RARS1: variants seen among roughly 807,000 people sequenced by gnomAD.
RARS1 encodes arginyl-tRNA synthetase 1.
In RARS1, 75 loss-of-function variants were observed where a neutral mutation model predicts 78.7. That is an observed-to-expected ratio of 0.95 (90% CI 0.79 to 1.15). RARS1 has a LOEUF of 1.15. Among genes scored for constraint, RARS1 ranks in the 50% most tolerant of loss-of-function variants. The pLI, the probability that RARS1 is intolerant of heterozygous loss-of-function variation, is 0.00. For missense variants in RARS1, 787 were observed against 787.5 expected, an observed-to-expected ratio of 1.00 and a Z score of 0.01; for synonymous variants, 273 against 268.2, an observed-to-expected ratio of 1.02 and a Z score of -0.18.
chr5:168,502,416 G>C (rs1758349552), intron 9 of RARS1, among the ~76,000 whole-genome samples: 1 of 134,336 alleles, frequency 7.4e-6, no homozygotes, highest in South Asian at 2.3e-4. Context: ...TTGCTATGTT[G>C]CCTAGGCTGG....
At position 168,494,636 on chromosome 5, in the gene RARS1, G is replaced by GGA; in HGVS notation, c.570_571dup (p.Asn191ArgfsTer6). ...GAATGGAGTTCAACTACCTGCTCTG[G>GGA]GAGAGAATAAAAAGGTATATGTACA... On this transcript the variant is annotated frameshift_variant, in exon 5 of 15. Transcript: ENST00000231572. LOFTEE classifies it high-confidence loss of function. 2 of 1,591,168 alleles carry GGA rather than the reference G, an allele frequency of 1.3e-6. No homozygotes were observed. The highest frequency in any genetic ancestry group is 1.7e-6 in the Non-Finnish European group (2 of 1,159,430).
intron 9 of RARS1, among the ~76,000 whole-genome samples, chr5:168,505,714 G>GAAAAAAAAAAAA (rs60743864): frequency 1.8e-5 from 2 of 114,248 alleles, no homozygotes; most frequent in Admixed American, 9.0e-5. Context: ...TATCAAAAAA[G>GAAAAAAAAAAAA]AAAAAAAAAA....
At chr5:168,504,434 A>T (rs1269661731) in intron 9 of RARS1, among the ~76,000 whole-genome samples, 1 of 151,172 alleles carries the variant, frequency 6.6e-6, no homozygotes, top group Non-Finnish European at 1.5e-5. Context: ...GAGGCAGAGG[A>T]GTCGCTTGAA....
intron 13 of RARS1, among the ~76,000 whole-genome samples, chr5:168,517,507 G>A (rs1029754904): frequency 1.3e-5 from 2 of 152,108 alleles, no homozygotes; most frequent in African/African-American, 2.4e-5. Context: ...TCCTCTTTTA[G>A]TATTGCAAGT....
At chr5:168,486,691 A>G (rs1052792612) in intron 1 of RARS1, 148 bp downstream of exon 1, 10 of 828,988 alleles carry the variant, frequency 1.2e-5, no homozygotes, top group African/African-American at 1.2e-4. Context: ...GGGAACAGGA[A>G]GGGTTGAGAG....
At chr5:168,500,200 C>CAA (rs36015007) in intron 7 of RARS1, among the ~76,000 whole-genome samples, 1,031 of 45,628 alleles carry the variant, frequency 0.023, 10 homozygotes, top group East Asian at 0.029. Flanking sequence ...GACTCTGTCT[C>CAA]AAAAAAAAAA....
At position 168,500,694 on chromosome 5, in the gene RARS1, A is replaced by T; in HGVS notation, c.926A>T (p.Lys309Met). 1 of 1,611,272 alleles carries T rather than the reference A, an allele frequency of 6.2e-7. No homozygotes were observed. ...GKNPDITKAW[K>M]LICDVSRQEL... ...AACCCAGATATTACAAAAGCTTGGA[A>T]GCTTATCTGTGATGTCTCCCGCCAA... Residue 309 changes from lysine to methionine, a missense_variant, in exon 8 of 15, where the codon AAG becomes ATG. Lys to Met is a moderately conservative substitution (Grantham distance 95). Coordinates refer to ENST00000231572, the MANE Select transcript of RARS1 (RefSeq NM_002887.4).
intron 9 of RARS1, among the ~76,000 whole-genome samples, chr5:168,503,885 A>T (rs544039961): frequency 6.6e-6 from 1 of 152,046 alleles, no homozygotes; most frequent in African/African-American, 2.4e-5. Context: ...AGTCTGCGCA[A>T]CATAGCAGGA....
chr5:168,506,901 A>G lies in RARS1; in HGVS notation c.1346+70A>G, dbSNP rs1487295266. 7 of 1,228,926 alleles carry G rather than the reference A, an allele frequency of 5.7e-6. No individual in the cohort carries two copies. The African/African-American group carries it at 7.5e-5, about 13-fold the overall frequency. The allele number at this position is 1,228,926 out of a possible 1,614,324, so 76.1% of individuals were successfully genotyped here. On this transcript the variant is annotated intron_variant, in intron 11 of 14. Transcript: ENST00000231572. The stretch of plus-strand genomic sequence containing the variant: ...AAGAGGCTACTTTTCATTTGATACC[A>G]TATTAGAATTAAGAAAGTCCACAGT...
rs1471710902 is a variant in RARS1 at position 168,495,124 on chromosome 5, T to C, written c.580-191T>C. 5 of 947,006 alleles carry C rather than the reference T, an allele frequency of 5.3e-6. No homozygotes were observed. The South Asian group carries it at 8.9e-5, about 17-fold the overall frequency. The allele number at this position is 947,006 out of a possible 1,614,324, so 58.7% of individuals were successfully genotyped here. On this transcript the variant is annotated intron_variant, in intron 5 of 14. Coordinates refer to ENST00000231572, the MANE Select transcript of RARS1 (RefSeq NM_002887.4). The stretch of plus-strand genomic sequence containing the variant: ...TTTGATTCTTTTTCAGTTAAAAATA[T>C]ACAAGCAGATCCATCATAAAATCAA...
intron 1 of RARS1, 132 bp downstream of exon 1, chr5:168,486,675 C>T: frequency 1.1e-6 from 1 of 932,198 alleles, no homozygotes; most frequent in Non-Finnish European, 1.7e-6. Flanking sequence ...GCGGCACGGT[C>T]CCTGTGGGAA....
intron 14 of RARS1, among the ~76,000 whole-genome samples, chr5:168,518,270 G>T (rs1468343870): frequency 6.6e-6 from 1 of 151,534 alleles, no homozygotes; most frequent in Non-Finnish European, 1.5e-5. Context: ...TCATTTAGTA[G>T]CCATATTAGG....
At chr5:168,500,052 A>G (rs1164422955) in intron 7 of RARS1, among the ~76,000 whole-genome samples, 2 of 151,862 alleles carry the variant, frequency 1.3e-5, no homozygotes, top group Non-Finnish European at 2.9e-5. Context: ...GGCGGGTGTG[A>G]TGGCTTGTGC....
intron 1 of RARS1, among the ~76,000 whole-genome samples, chr5:168,487,313 C>CAG (rs1268973680): frequency 1.3e-5 from 2 of 151,976 alleles, no homozygotes; most frequent in Admixed American, 1.3e-4. Flanking sequence ...TTGCAGTGAG[C>CAG]AGAGAGCACA....
Position 168,500,646 on chromosome 5 carries a change from G to C in RARS1, c.878G>C (p.Cys293Ser). 1 of 1,610,464 alleles carries C rather than the reference G, an allele frequency of 6.2e-7. No homozygotes were observed. ...GAATTTAAGAAGCGAGCATATCAGT[G>C]TGTAGTTCTGCTCCAGGGTAAAAAC... Reference protein sequence around the residue: ...EEEFKKRAYQCVVLLQGKNPD... With the variant: ...EEEFKKRAYQSVVLLQGKNPD... Residue 293 changes from cysteine (C) to serine (S), a missense_variant, in exon 8 of 15, where the codon TGT becomes TCT. Coordinates refer to ENST00000231572, the MANE Select transcript of RARS1 (RefSeq NM_002887.4).
chr5:168,486,695 T>A, intron 1 of RARS1, 152 bp downstream of exon 1: 2 of 812,170 alleles, frequency 2.5e-6, no homozygotes, highest in South Asian at 3.1e-5. Flanking sequence ...ACAGGAAGGG[T>A]TGAGAGAGGA....
At chr5:168,496,824 G>A (rs1758201687) in intron 6 of RARS1, among the ~76,000 whole-genome samples, 1 of 152,126 alleles carries the variant, frequency 6.6e-6, no homozygotes, top group Non-Finnish European at 1.5e-5. Flanking sequence ...TGATATTTGG[G>A]AACCATTGGT....
intron 7 of RARS1, among the ~76,000 whole-genome samples, chr5:168,499,581 G>C (rs923819967): frequency 6.6e-6 from 1 of 152,084 alleles, no homozygotes; most frequent in African/African-American, 2.4e-5. Flanking sequence ...AATGTTTACT[G>C]ATATGAGACT....
At chr5:168,493,841 G>A (rs773311884) in intron 3 of RARS1, 53 bp from the exon 4 acceptor site, 16 of 1,437,880 alleles carry the variant, frequency 1.1e-5, no homozygotes, top group Admixed American at 3.6e-5. Flanking sequence ...GTGCATTTGC[G>A]AGTAACTTGC....
Sources: allele counts gnomAD v4.1 joint callset (sites outside exome capture counted in the v4.1 genomes callset), GRCh38; gene constraint gnomAD v4.1.1; transcripts MANE v1.5; gene names NCBI Gene and HGNC (gene_info 2026-07-23, HGNC 2026-07-21).